NRXN3: variants seen among roughly 807,000 people sequenced by gnomAD.
The protein encoded by NRXN3 is neurexin III.
A neutral mutation model predicts 137.6 loss-of-function variants in NRXN3; 32 were observed. That is an observed-to-expected ratio of 0.23 (90% confidence interval 0.18 to 0.31). NRXN3 has a LOEUF of 0.31. Among genes scored for constraint, NRXN3 ranks in the 10% least tolerant of loss-of-function variants. The pLI is 1.00. For synonymous variants in NRXN3, 798 were observed against 784.5 expected (o/e 1.02, Z -0.29); for missense variants, 1,574 against 2,062.5 (o/e 0.76, Z 4.59).
chr14:79,810,946 A>C (rs2099230262), intron 20 of NRXN3, among the ~76,000 whole-genome samples: 1 of 152,180 alleles, frequency 6.6e-6, no homozygotes, highest in Non-Finnish European at 1.5e-5. Flanking sequence ...TCTTATAGAG[A>C]TACGTTTTGT....
chr14:78,423,910 C>T (rs996518615), intron 4 of NRXN3, among the ~76,000 whole-genome samples: 11 of 152,134 alleles, frequency 7.2e-5, no homozygotes, highest in African/African-American at 1.2e-4. Flanking sequence ...ATATTGTTCC[C>T]GTAGGGGCAC....
chr14:78,395,648 C>T (rs1313762323), intron 4 of NRXN3, among the ~76,000 whole-genome samples: 1 of 151,706 alleles, frequency 6.6e-6, no homozygotes, highest in Admixed American at 6.6e-5. Flanking sequence ...TCTCATTTTT[C>T]CGTTTTCAGT....
chr14:79,168,913 C>T (rs976268161), intron 15 of NRXN3, among the ~76,000 whole-genome samples: 2 of 152,076 alleles, frequency 1.3e-5, no homozygotes, highest in African/African-American at 4.8e-5. Context: ...GTACAAATTC[C>T]TCCAAGTTAA....
intron 20 of NRXN3, among the ~76,000 whole-genome samples, chr14:79,845,641 G>T (rs1343979893): frequency 8.5e-6 from 1 of 118,062 alleles, no homozygotes; most frequent in Admixed American, 8.3e-5. Flanking sequence ...AGACGGAGAC[G>T]GGGAGAGAGA....
chr14:79,588,881 G>C (rs1358670226), intron 16 of NRXN3, among the ~76,000 whole-genome samples: 1 of 152,172 alleles, frequency 6.6e-6, no homozygotes, highest in Non-Finnish European at 1.5e-5. Flanking sequence ...CATCATGGAA[G>C]ATAGATAGGG....
At chr14:79,017,831 G>T (rs936955305) in intron 15 of NRXN3, among the ~76,000 whole-genome samples, 1 of 152,086 alleles carries the variant, frequency 6.6e-6, no homozygotes, top group Non-Finnish European at 1.5e-5. Flanking sequence ...CTAGTGAAAT[G>T]ATTTTGACAC....
intron 16 of NRXN3, among the ~76,000 whole-genome samples, chr14:79,531,798 T>C (rs1458875217): frequency 6.6e-6 from 1 of 152,222 alleles, no homozygotes; most frequent in African/African-American, 2.4e-5. Flanking sequence ...TTTACACTTA[T>C]TGGACACCTG....
In NRXN3 at chr14:79,641,038, C is replaced by T. The variant is rs548754788; in HGVS notation, c.3445-22740C>T. The stretch of plus-strand genomic sequence containing the variant: ...CACGTTTTTTTTTGAGACAGAGTCT[C>T]GCTCTGTCTCCCAGGCTGGAGTGCA... On this transcript the variant is annotated intron_variant, in intron 16 of 20. Transcript: ENST00000335750. Among the ~76,000 whole-genome samples, 35 of 133,624 alleles carry T rather than the reference C, an allele frequency of 2.6e-4. 2 individuals carry two copies. The East Asian group carries it at 4.1e-3, about 16-fold the overall frequency. The allele number at this position is 133,624 out of a possible 152,430, so 87.7% of individuals were successfully genotyped here. A position where few individuals can be genotyped will look rare whatever the true frequency, so the allele number is the denominator to read the frequency against.
chr14:79,285,080 G>C (rs2082026411), intron 15 of NRXN3, among the ~76,000 whole-genome samples: 1 of 152,082 alleles, frequency 6.6e-6, no homozygotes, highest in African/African-American at 2.4e-5. Flanking sequence ...TAATATCCTA[G>C]TGTCAATTTC....
chr14:78,645,022 C>G, intron 4 of NRXN3, 98 bp from the exon 5 acceptor site: 5 of 1,063,584 alleles, frequency 4.7e-6, no homozygotes, highest in Non-Finnish European at 5.3e-6. Flanking sequence ...AGCACAAGAA[C>G]GGGGCAGTGC....
chr14:79,818,400 CAT>C (rs1215082749), intron 20 of NRXN3, among the ~76,000 whole-genome samples: 3 of 152,296 alleles, frequency 2.0e-5, no homozygotes, highest in African/African-American at 7.2e-5. Flanking sequence ...CTGTTCAAAA[CAT>C]ATGCCCAGAC....
intron 10 of NRXN3, among the ~76,000 whole-genome samples, chr14:78,830,281 CT>C (rs900805173): frequency 5.3e-5 from 8 of 151,988 alleles, no homozygotes; most frequent in African/African-American, 1.9e-4. Flanking sequence ...GGTAAATAGG[CT>C]TGACAAACTG....
intron 15 of NRXN3, among the ~76,000 whole-genome samples, chr14:79,057,068 C>A (rs762112180): frequency 6.6e-6 from 1 of 152,166 alleles, no homozygotes; most frequent in Admixed American, 6.5e-5. Context: ...TTTTCTCAAG[C>A]GAGTAGACCA....
intron 19 of NRXN3, among the ~76,000 whole-genome samples, chr14:79,753,134 A>T (rs991420113): frequency 6.6e-6 from 1 of 152,024 alleles, no homozygotes; most frequent in African/African-American, 2.4e-5. Flanking sequence ...ACTGTAAACT[A>T]GTTCAACCAT....
At chr14:79,759,220 A>T (rs1181593173) in intron 19 of NRXN3, among the ~76,000 whole-genome samples, 1 of 148,014 alleles carries the variant, frequency 6.8e-6, no homozygotes, top group African/African-American at 2.7e-5. Context: ...ATAACTGGGT[A>T]GTAAACATAC....
intron 6 of NRXN3, among the ~76,000 whole-genome samples, chr14:78,673,539 CG>C (rs2097960354): frequency 6.6e-6 from 1 of 152,170 alleles, no homozygotes; most frequent in South Asian, 2.1e-4. Context: ...CAGATGTCTC[CG>C]TCAGTTCAGG....
At chr14:78,857,546 G>A (rs183117820) in intron 10 of NRXN3, among the ~76,000 whole-genome samples, 10 of 152,274 alleles carry the variant, frequency 6.6e-5, no homozygotes, top group Non-Finnish European at 8.8e-5. Context: ...GTGTGTTTGT[G>A]TGTGCGTGTA....
Position 79,861,760 on chromosome 14 carries a change from T to G in NRXN3, c.4512T>G (p.Ala1504=). Residue 1504 remains alanine (A), a synonymous_variant, in exon 21 of 21, where the codon GCT becomes GCG. Coordinates refer to ENST00000335750, the MANE Select transcript of NRXN3 (RefSeq NM_001330195.2). This position sits in a 1 kb window ranked among gnomAD's most constrained non-coding sequence, Gnocchi z 5.4. ...STTGMVVGIV[A]AAALCILILL... is the part of the protein sequence containing the mutation. ...CAGGGATGGTCGTCGGCATTGTGGC[T>G]GCTGCCGCCCTCTGCATCTTGATCC... 6.2e-7 allele frequency: 1 copy of G among 1,614,092 alleles called. No homozygotes were observed. Among genetic ancestry groups the G allele is most frequent in the Non-Finnish European group, 8.5e-7 (1 of 1,180,024 alleles).
At chr14:79,210,128 C>T (rs1597314474) in intron 15 of NRXN3, among the ~76,000 whole-genome samples, 1 of 152,140 alleles carries the variant, frequency 6.6e-6, no homozygotes, top group Non-Finnish European at 1.5e-5. Flanking sequence ...TGGGTAACCA[C>T]CTTAATTTCT....
Sources: gnomAD v4.1 joint callset for allele counts (sites outside exome capture counted in the v4.1 genomes callset) on GRCh38, gnomAD v4.1.1 for gene constraint, Gnocchi (gnomAD v3.1) non-coding constraint, MANE v1.5 for transcripts, NCBI Gene and HGNC (gene_info 2026-07-23, HGNC 2026-07-21) for gene names.